Variants in LRRC49 observed in about 807,000 individuals in gnomAD.
The protein encoded by LRRC49 is leucine-rich repeat-containing protein 49.
A neutral mutation model predicts 83.3 loss-of-function variants in LRRC49; 50 were observed. The ratio of observed to expected loss-of-function variants is 0.60; its 90% CI spans 0.48 to 0.76. The LOEUF (loss-of-function observed/expected upper bound fraction) is 0.76, where lower values mean the gene tolerates loss of function less well. LRRC49 is among the 30% of genes least tolerant of loss of function. The probability of loss-of-function intolerance (pLI) is 0.00; values close to 1 mark genes in which losing one functional copy is unlikely to be tolerated. For synonymous variants in LRRC49, 286 were observed against 283.3 expected (o/e 1.01, Z -0.10); for missense variants, 704 against 809.1 (o/e 0.87, Z 1.58).
intron 9 of LRRC49, 91 bp downstream of exon 9, chr15:70,964,023 A>G (rs2036705668): frequency 3.2e-6 from 4 of 1,265,262 alleles, no homozygotes; most frequent in Middle Eastern, 2.0e-4. Context: ...AATGCTTCTT[A>G]ATTTTAGTGA....
chr15:71,037,566 A>C (rs2039564218), intron 15 of LRRC49, among the ~76,000 whole-genome samples: 1 of 152,102 alleles, frequency 6.6e-6, no homozygotes, highest in Non-Finnish European at 1.5e-5. Flanking sequence ...AGAAAAAAAA[A>C]ATGCTCAAAA....
chr15:70,932,651 C>G (rs530334110), intron 7 of LRRC49, among the ~76,000 whole-genome samples: 1 of 151,858 alleles, frequency 6.6e-6, no homozygotes, highest in Non-Finnish European at 1.5e-5. Flanking sequence ...AAAAATAGCT[C>G]CAGTGATAGA....
chr15:71,016,472 A>G (rs2038830726), intron 14 of LRRC49, among the ~76,000 whole-genome samples: 1 of 152,072 alleles, frequency 6.6e-6, no homozygotes, highest in South Asian at 2.1e-4. Flanking sequence ...GAGAAATACC[A>G]AAGTAAGGCA....
At chr15:70,871,099 G>C (rs1188300344) in intron 1 of LRRC49, among the ~76,000 whole-genome samples, 1 of 151,744 alleles carries the variant, frequency 6.6e-6, no homozygotes, top group Non-Finnish European at 1.5e-5. Context: ...AGGACCCTGC[G>C]GCCTTCCGCA....
intron 2 of LRRC49, among the ~76,000 whole-genome samples, chr15:70,893,970 C>T (rs1318073946): frequency 1.3e-5 from 2 of 151,858 alleles, no homozygotes; most frequent in Admixed American, 1.3e-4. Flanking sequence ...TTTTGGCTCA[C>T]TGCAACCTCT....
intron 8 of LRRC49, among the ~76,000 whole-genome samples, chr15:70,955,052 G>C (rs2036351837): frequency 6.6e-6 from 1 of 152,040 alleles, no homozygotes; most frequent in Non-Finnish European, 1.5e-5. Context: ...TGTGGGTAGG[G>C]TCGCTTCTGC....
intron 11 of LRRC49, among the ~76,000 whole-genome samples, chr15:70,995,762 A>G (rs769401610): frequency 5.3e-5 from 8 of 152,230 alleles, no homozygotes; most frequent in Non-Finnish European, 1.0e-4. Flanking sequence ...CCTCTAAAAT[A>G]ACTTAAAATC....
chr15:70,930,160 G>A (rs1175292509), intron 7 of LRRC49, among the ~76,000 whole-genome samples: 2 of 152,136 alleles, frequency 1.3e-5, no homozygotes, highest in Non-Finnish European at 1.5e-5. Context: ...CTTATGAAAT[G>A]TATATCTTAA....
At chr15:70,981,559 G>A in intron 10 of LRRC49, among the ~76,000 whole-genome samples, 1 of 151,374 alleles carries the variant, frequency 6.6e-6, no homozygotes, top group Non-Finnish European at 1.5e-5. Flanking sequence ...TACAGGAAGA[G>A]TGTATAGATA....
At chr15:70,945,773 G>A (rs1238587573) in intron 8 of LRRC49, among the ~76,000 whole-genome samples, 2 of 152,060 alleles carry the variant, frequency 1.3e-5, no homozygotes, top group Non-Finnish European at 2.9e-5. Flanking sequence ...TGCAAGTAAG[G>A]AAGTTGGGAT....
intron 1 of LRRC49, among the ~76,000 whole-genome samples, chr15:70,872,597 A>G (rs12441133): frequency 0.56 from 84,492 of 152,004 alleles, 24,117 homozygotes; most frequent in Admixed American, 0.7. Flanking sequence ...AGATGATGTC[A>G]AAGATAAAGT....
chr15:70,986,708 G>A (rs1459773105), intron 11 of LRRC49, among the ~76,000 whole-genome samples: 1 of 152,154 alleles, frequency 6.6e-6, no homozygotes, highest in Non-Finnish European at 1.5e-5. Context: ...TCCCTGTCTT[G>A]TGCCAGTTTT....
At chr15:70,955,888 T>G (rs1260028831) in intron 8 of LRRC49, among the ~76,000 whole-genome samples, 3 of 152,354 alleles carry the variant, frequency 2.0e-5, no homozygotes, top group Non-Finnish European at 4.4e-5. Flanking sequence ...CTAGTTATTT[T>G]ATGTTTGTCA....
At chr15:70,960,749 G>A (rs1195724293) in intron 8 of LRRC49, among the ~76,000 whole-genome samples, 1 of 152,144 alleles carries the variant, frequency 6.6e-6, no homozygotes, top group East Asian at 1.9e-4. Flanking sequence ...AAGGAATATA[G>A]ACATGGGCCT....
At chr15:70,907,687 G>A (rs1386498522) in intron 5 of LRRC49, among the ~76,000 whole-genome samples, 1 of 152,152 alleles carries the variant, frequency 6.6e-6, no homozygotes, top group Non-Finnish European at 1.5e-5. Flanking sequence ...TATAGGTCCT[G>A]TAGTGAGGTC....
chr15:70,854,067 C>T, intron 1 of LRRC49: 2 of 1,377,630 alleles, frequency 1.5e-6, no homozygotes, highest in South Asian at 1.7e-5. Flanking sequence ...CCGGGCCGAG[C>T]CTCCCCGCCG....
intron 9 of LRRC49, among the ~76,000 whole-genome samples, chr15:70,975,913 A>G (rs1283701642): frequency 6.6e-6 from 1 of 152,122 alleles, no homozygotes; most frequent in African/African-American, 2.4e-5. Flanking sequence ...TGTTTGGCCA[A>G]TGAAATGTGA....
At chr15:70,853,607 G>T in intron 1 of LRRC49, 1 of 272,168 alleles carries the variant, frequency 3.7e-6, no homozygotes. Context: ...GCCCGTGAAA[G>T]TCCTCCTCCT....
chr15:70,930,871 A>G (rs1486570407), intron 7 of LRRC49, among the ~76,000 whole-genome samples: 3 of 152,172 alleles, frequency 2.0e-5, no homozygotes, highest in Non-Finnish European at 2.9e-5. Flanking sequence ...CCTTCATAGA[A>G]TTGTTGAGAG....
Sources: gnomAD v4.1 joint callset for allele counts (sites outside exome capture counted in the v4.1 genomes callset) on GRCh38, gnomAD v4.1.1 for gene constraint, MANE v1.5 for transcripts, NCBI Gene and HGNC (gene_info 2026-07-23, HGNC 2026-07-21) for gene names.